FSIP1: variants seen among roughly 807,000 people sequenced by gnomAD.
FSIP1 encodes fibrous sheath interacting protein 1.
In FSIP1, 65 loss-of-function variants were observed where a neutral mutation model predicts 60.9. The ratio of observed to expected loss-of-function variants is 1.07; its 90% CI spans 0.87 to 1.31. The LOEUF (loss-of-function observed/expected upper bound fraction) is 1.31. FSIP1 is among the 40% of genes most tolerant of loss of function. The pLI is 0.00. For missense variants in FSIP1, 675 were observed against 665.5 expected (o/e 1.01, Z -0.16); for synonymous variants, 209 against 221.2 (o/e 0.94, Z 0.49).
intron 10 of FSIP1, among the ~76,000 whole-genome samples, chr15:39,635,882 C>T (rs11852591): frequency 0.18 from 27,001 of 151,934 alleles, 2,882 homozygotes; most frequent in East Asian, 0.32. Flanking sequence ...CCCATTTCAA[C>T]GGTACCATAC....
intron 10 of FSIP1, among the ~76,000 whole-genome samples, chr15:39,638,964 C>A (rs1892249178): frequency 1.3e-5 from 2 of 151,900 alleles, no homozygotes; most frequent in African/African-American, 4.8e-5. Flanking sequence ...TTATTTAAGA[C>A]CCAGTGCTTT....
At chr15:39,638,069 C>T (rs1222228197) in intron 10 of FSIP1, among the ~76,000 whole-genome samples, 1 of 152,206 alleles carries the variant, frequency 6.6e-6, no homozygotes, top group Non-Finnish European at 1.5e-5. Flanking sequence ...AAATAATACT[C>T]TTGATCCCTC....
At chr15:39,771,011 A>T (rs942679277) in intron 2 of FSIP1, among the ~76,000 whole-genome samples, 2 of 152,200 alleles carry the variant, frequency 1.3e-5, no homozygotes, top group African/African-American at 4.8e-5. Context: ...CTGAGTTGAG[A>T]TGTGCTTTCT....
rs536851867 is a variant in FSIP1, at chr15:39,609,337, C to G, written c.1699+8398G>C. ...CCTAGCTCTGGTGCTCTCCTTAAGC[C>G]TTCCCCAGGCCAGGCAGCAAGGGCA... On this transcript the variant is annotated intron_variant, in intron 11 of 11. Transcript: ENST00000350221. Among the ~76,000 whole-genome samples, 13 of 152,288 alleles carry G rather than the reference C, an allele frequency of 8.5e-5. 1 individual carries two copies. The East Asian group carries it at 2.3e-3, about 27-fold the overall frequency.
intron 10 of FSIP1, among the ~76,000 whole-genome samples, chr15:39,696,860 G>T (rs4085744): frequency 7.1e-6 from 1 of 140,546 alleles, no homozygotes; most frequent in Non-Finnish European, 1.5e-5. Context: ...GGAGGAGGGG[G>T]AAGGGGTGTC....
chr15:39,766,929 G>A (rs572817640), intron 3 of FSIP1, among the ~76,000 whole-genome samples: 14 of 152,100 alleles, frequency 9.2e-5, no homozygotes, highest in African/African-American at 2.4e-4. Context: ...AACCTCGAAC[G>A]CCTGGGCTCA....
At chr15:39,611,763 AC>A (rs1428658792) in intron 11 of FSIP1, among the ~76,000 whole-genome samples, 1 of 152,240 alleles carries the variant, frequency 6.6e-6, no homozygotes, top group Non-Finnish European at 1.5e-5. Flanking sequence ...ACTATATGCT[AC>A]CTGTGAGAGA....
chr15:39,653,963 T>A (rs1166709911), intron 10 of FSIP1, among the ~76,000 whole-genome samples: 1 of 152,180 alleles, frequency 6.6e-6, no homozygotes, highest in Admixed American at 6.5e-5. Context: ...AAAAACTAAA[T>A]AGAAACACAC....
intron 10 of FSIP1, among the ~76,000 whole-genome samples, chr15:39,644,079 T>C (rs145752995): frequency 5.3e-5 from 8 of 152,346 alleles, no homozygotes; most frequent in Admixed American, 5.2e-4. Flanking sequence ...ACTTAAAATA[T>C]TCTGTCAGAC....
intron 8 of FSIP1, among the ~76,000 whole-genome samples, chr15:39,736,858 T>C (rs1896627585): frequency 6.6e-6 from 1 of 152,016 alleles, no homozygotes; most frequent in Non-Finnish European, 1.5e-5. Flanking sequence ...CTGGGGAAGC[T>C]ATGGAGGACA....
chr15:39,630,445 G>A lies in FSIP1; in HGVS notation c.1189-12200C>T, dbSNP rs572832511. Among the ~76,000 whole-genome samples the A allele has an allele frequency of 1.6e-3, 237 of 152,220 alleles. 2 individuals carry two copies. The highest frequency in any genetic ancestry group is 2.1e-3 in the Non-Finnish European group (141 of 68,000). The stretch of plus-strand genomic sequence containing the variant: ...GAAACTTTAAGAAAGAGATGAATCC[G>A]TCCACCTCCCTCCCTGTCAGCGGGT... On this transcript the variant is annotated intron_variant, in intron 10 of 11. Coordinates refer to ENST00000350221, the MANE Select transcript of FSIP1 (RefSeq NM_152597.5).
At chr15:39,696,751 G>T (rs993507919) in intron 10 of FSIP1, among the ~76,000 whole-genome samples, 4 of 152,032 alleles carry the variant, frequency 2.6e-5, no homozygotes, top group Non-Finnish European at 1.5e-5. Flanking sequence ...GAAAAAGCAG[G>T]CTATAAAATG....
At chr15:39,652,487 T>C (rs79780836) in intron 10 of FSIP1, among the ~76,000 whole-genome samples, 1 of 152,180 alleles carries the variant, frequency 6.6e-6, no homozygotes, top group Non-Finnish European at 1.5e-5. Context: ...AAATAAAAAT[T>C]TGCTATAGAT....
chr15:39,606,424 T>C (rs1033152191), intron 11 of FSIP1, among the ~76,000 whole-genome samples: 2 of 152,292 alleles, frequency 1.3e-5, no homozygotes, highest in African/African-American at 4.8e-5. Flanking sequence ...ATCAGGTAAA[T>C]TGCATACCCA....
chr15:39,739,797 TA>T lies in FSIP1; in HGVS notation c.656-9del. 1 of 1,532,518 alleles carries T rather than the reference TA, an allele frequency of 6.5e-7. No homozygotes were observed. Among genetic ancestry groups the T allele is most frequent in the East Asian group, 2.3e-5 (1 of 43,136 alleles). 94.9% of individuals were successfully genotyped at this position (1,532,518 alleles called of 1,614,324 possible). On this transcript the variant is annotated splice_polypyrimidine_tract_variant and intron_variant, in intron 6 of 11. Coordinates refer to ENST00000350221, the MANE Select transcript of FSIP1 (RefSeq NM_152597.5). ...CCACATCACAGGTAAAATCTAATAT[TA>T]AAAAAGTTCAAAATTTTTTCATAAT...
chr15:39,677,876 G>C (rs1335815638), intron 10 of FSIP1, among the ~76,000 whole-genome samples: 1 of 151,908 alleles, frequency 6.6e-6, no homozygotes. Flanking sequence ...TATGCCTGTA[G>C]TCCCAGTTAC....
chr15:39,699,105 A>T (rs978795478), intron 10 of FSIP1, among the ~76,000 whole-genome samples: 1 of 152,214 alleles, frequency 6.6e-6, no homozygotes, highest in Admixed American at 6.5e-5. Context: ...GGCAAAAGGC[A>T]CATGTCAGCG....
intron 10 of FSIP1, among the ~76,000 whole-genome samples, chr15:39,694,335 T>A (rs1483897589): frequency 6.6e-6 from 1 of 152,230 alleles, no homozygotes; most frequent in East Asian, 1.9e-4. Context: ...GTTTTAAGAA[T>A]TATGAAATTT....
chr15:39,707,462 C>G (rs1179941992), intron 10 of FSIP1, among the ~76,000 whole-genome samples: 2 of 152,076 alleles, frequency 1.3e-5, no homozygotes, highest in East Asian at 3.9e-4. Context: ...CCTTTCTTGG[C>G]CCACCCTTCC....
Sources: gnomAD v4.1 joint callset for allele counts (sites outside exome capture counted in the v4.1 genomes callset) on GRCh38, gnomAD v4.1.1 for gene constraint, MANE v1.5 for transcripts, NCBI Gene and HGNC (gene_info 2026-07-23, HGNC 2026-07-21) for gene names.